Variants in KCNQ5 observed in about 807,000 individuals in gnomAD.
The protein encoded by KCNQ5 is potassium voltage-gated channel subfamily KQT member 5.
KCNQ5 carries 30 observed loss-of-function variants against 98.2 expected under a neutral mutation model. The observed-to-expected ratio is 0.31, with a 90% CI of 0.23 to 0.41. KCNQ5 has a LOEUF of 0.41. Among genes scored for constraint, KCNQ5 ranks in the 10% least tolerant of loss-of-function variants. The pLI is 1.00. For missense variants in KCNQ5, 835 were observed against 1,182.5 expected (o/e 0.71, Z 4.31); for synonymous variants, 458 against 449.4 (o/e 1.02, Z -0.24).
intron 11 of KCNQ5, among the ~76,000 whole-genome samples, chr6:73,171,668 CA>C (rs1471201812): frequency 6.6e-6 from 1 of 152,134 alleles, no homozygotes; most frequent in Non-Finnish European, 1.5e-5. Flanking sequence ...CTTCATTAGA[CA>C]AAGAAACGAA....
intron 11 of KCNQ5, among the ~76,000 whole-genome samples, chr6:73,188,709 G>T (rs558221786): frequency 4.6e-5 from 7 of 152,202 alleles, no homozygotes; most frequent in African/African-American, 1.7e-4. Flanking sequence ...TCTAGGCCGG[G>T]CGCGGTGGCT....
intron 1 of KCNQ5, among the ~76,000 whole-genome samples, chr6:72,901,362 G>A (rs950679168): frequency 2.6e-5 from 4 of 151,828 alleles, no homozygotes; most frequent in African/African-American, 7.3e-5. Context: ...TTAAGTCCCC[G>A]CTATTTATCT....
Position 72,649,493 on chromosome 6 carries a change from C to T in KCNQ5, c.398+26906C>T, listed in dbSNP as rs753234577. On this transcript the variant is annotated intron_variant, in intron 1 of 13. Coordinates refer to ENST00000370398, the MANE Select transcript of KCNQ5 (RefSeq NM_019842.4). ...ACACAGGACTCTGAAAATGGAGCTA[C>T]GGACCCAGTAAAGAGTTTGTACAAC... is the stretch of plus-strand genomic sequence containing the variant. Among the ~76,000 whole-genome samples, 83 of 152,116 alleles carry T rather than the reference C, an allele frequency of 5.5e-4. 1 individual carries two copies. The highest frequency in any genetic ancestry group is 1.9e-4 in the East Asian group (1 of 5,206).
chr6:72,698,203 CT>C (rs1033633703), intron 1 of KCNQ5, among the ~76,000 whole-genome samples: 5 of 149,912 alleles, frequency 3.3e-5, no homozygotes, highest in Admixed American at 6.7e-5. Context: ...TGTATTTAGA[CT>C]TTTTTTTTTC....
At chr6:72,932,534 T>C (rs1205875064) in intron 1 of KCNQ5, among the ~76,000 whole-genome samples, 1 of 152,234 alleles carries the variant, frequency 6.6e-6, no homozygotes, top group Non-Finnish European at 1.5e-5. Flanking sequence ...TTTAAAATTA[T>C]AATAGATGCT....
rs1382895006 is a variant in KCNQ5 at position 73,063,927 on chromosome 6, A to G, written c.617-13395A>G. Among the ~76,000 whole-genome samples, 3 of 152,172 alleles carry G rather than the reference A, an allele frequency of 2.0e-5. No homozygotes were observed. The East Asian group carries it at 5.8e-4, about 29-fold the overall frequency. ...TTTCACACCCCAATGTTTATCCCTA[A>G]GGATTAGCCAAGTGCCTAAACTGTA... On this transcript the variant is annotated intron_variant, in intron 3 of 13. Transcript: ENST00000370398.
At chr6:73,156,351 A>C (rs1777361805) in intron 10 of KCNQ5, among the ~76,000 whole-genome samples, 1 of 152,242 alleles carries the variant, frequency 6.6e-6, no homozygotes, top group African/African-American at 2.4e-5. Flanking sequence ...ATGAATTGTG[A>C]GGTTGGGCGC....
chr6:72,748,506 C>A (rs1457377486), intron 1 of KCNQ5, among the ~76,000 whole-genome samples: 1 of 152,078 alleles, frequency 6.6e-6, no homozygotes. Context: ...AATTTGAGAA[C>A]CACAGATGAC....
intron 1 of KCNQ5, among the ~76,000 whole-genome samples, chr6:72,914,712 G>C (rs982355060): frequency 6.6e-6 from 1 of 151,650 alleles, no homozygotes; most frequent in Non-Finnish European, 1.5e-5. Flanking sequence ...GTAGATCTTG[G>C]TTTCTTTGCT....
chr6:72,770,800 G>A (rs1052639594), intron 1 of KCNQ5, among the ~76,000 whole-genome samples: 10 of 152,062 alleles, frequency 6.6e-5, no homozygotes, highest in African/African-American at 2.4e-4. Context: ...GGATTCCATT[G>A]TGTATACAAT....
At chr6:72,904,154 T>A (rs890002426) in intron 1 of KCNQ5, among the ~76,000 whole-genome samples, 5 of 152,212 alleles carry the variant, frequency 3.3e-5, no homozygotes, top group African/African-American at 1.2e-4. Context: ...TAGCTTTAAA[T>A]GTGTTTTGTC....
intron 1 of KCNQ5, among the ~76,000 whole-genome samples, chr6:72,795,690 T>A (rs1774294032): frequency 1.3e-5 from 2 of 152,162 alleles, no homozygotes; most frequent in African/African-American, 4.8e-5. Context: ...TTGTTGTATA[T>A]CCCAAAGATA....
chr6:72,889,309 G>T (rs917499302), intron 1 of KCNQ5, among the ~76,000 whole-genome samples: 4 of 152,160 alleles, frequency 2.6e-5, no homozygotes, highest in African/African-American at 9.7e-5. Context: ...TGAGGCAGAG[G>T]GGAAGCAGAT....
chr6:73,029,287 G>A (rs916850692), intron 2 of KCNQ5, among the ~76,000 whole-genome samples: 4 of 152,126 alleles, frequency 2.6e-5, no homozygotes, highest in Non-Finnish European at 5.9e-5. Context: ...ATGTAGCTTG[G>A]TAAATAACAC....
chr6:73,052,980 G>C (rs1294148663), intron 3 of KCNQ5, among the ~76,000 whole-genome samples: 5 of 152,208 alleles, frequency 3.3e-5, no homozygotes, highest in Non-Finnish European at 7.3e-5. Context: ...AGACCCAACA[G>C]TATGCTGTCT....
At chr6:73,155,520 G>A (rs1299100687) in intron 10 of KCNQ5, among the ~76,000 whole-genome samples, 4 of 152,208 alleles carry the variant, frequency 2.6e-5, no homozygotes. Flanking sequence ...TGTGGCTGGA[G>A]AATGGGATGG....
chr6:72,929,078 C>T (rs1208939411), intron 1 of KCNQ5, among the ~76,000 whole-genome samples: 1 of 152,114 alleles, frequency 6.6e-6, no homozygotes, highest in African/African-American at 2.4e-5. Flanking sequence ...ATTTTAAAAT[C>T]CTAACCTCAT....
intron 1 of KCNQ5, among the ~76,000 whole-genome samples, chr6:72,633,588 C>A (rs2098922303): frequency 6.6e-6 from 1 of 152,146 alleles, no homozygotes; most frequent in Non-Finnish European, 1.5e-5. Context: ...ATAGCCAAAG[C>A]AATCCTAAGC....
intron 1 of KCNQ5, among the ~76,000 whole-genome samples, chr6:72,759,455 C>G (rs1309009778): frequency 6.6e-6 from 1 of 152,114 alleles, no homozygotes; most frequent in African/African-American, 2.4e-5. Flanking sequence ...TCTGCCTCTT[C>G]CCATTTTTAT....
Sources: allele counts gnomAD v4.1 joint callset (sites outside exome capture counted in the v4.1 genomes callset), GRCh38; gene constraint gnomAD v4.1.1; transcripts MANE v1.5; gene names NCBI Gene and HGNC (gene_info 2026-07-23, HGNC 2026-07-21).